Variants in ST6GALNAC3 observed in about 807,000 individuals in gnomAD.
ST6GALNAC3 encodes alpha-N-acetylgalactosaminide alpha-2,6-sialyltransferase 3.
Under a neutral mutation model 32.7 loss-of-function variants are expected in ST6GALNAC3, and 25 were observed. The ratio of observed to expected loss-of-function variants is 0.76; its 90% CI spans 0.56 to 1.07. The LOEUF is 1.07. ST6GALNAC3 is among the 50% of genes least tolerant of loss of function. ST6GALNAC3 has a pLI of 0.00. For synonymous variants in ST6GALNAC3, 129 were observed against 133.1 expected (o/e 0.97, Z 0.21); for missense variants, 355 against 382.4 (o/e 0.93, Z 0.60).
At chr1:76,142,857 C>T (rs769787592) in intron 1 of ST6GALNAC3, 18 of 453,546 alleles carry the variant, frequency 4.0e-5, no homozygotes, top group South Asian at 2.7e-4. Flanking sequence ...TCATCTGCTT[C>T]TGGATCACAT....
At chr1:76,472,758 TG>T (rs980822849) in intron 3 of ST6GALNAC3, among the ~76,000 whole-genome samples, 1 of 152,154 alleles carries the variant, frequency 6.6e-6, no homozygotes, top group Non-Finnish European at 1.5e-5. Flanking sequence ...CTGTTGTTTT[TG>T]GTGCACGTGC....
chr1:76,333,359 C>T (rs1037206711), intron 2 of ST6GALNAC3, among the ~76,000 whole-genome samples: 1 of 152,134 alleles, frequency 6.6e-6, no homozygotes, highest in African/African-American at 2.4e-5. Flanking sequence ...ATGGAATGTG[C>T]TATCTTTTCA....
intron 1 of ST6GALNAC3, among the ~76,000 whole-genome samples, chr1:76,302,848 A>C (rs1660806757): frequency 6.6e-6 from 1 of 152,040 alleles, no homozygotes; most frequent in African/African-American, 2.4e-5. Context: ...AAGCAAGGAA[A>C]GAATGAAGCA....
chr1:76,085,463 A>G (rs1646952201), intron 1 of ST6GALNAC3, among the ~76,000 whole-genome samples: 1 of 152,170 alleles, frequency 6.6e-6, no homozygotes, highest in African/African-American at 2.4e-5. Flanking sequence ...AGAGCTAAAT[A>G]CGGTACGTGG....
chr1:76,345,628 G>A (rs1247645906), intron 2 of ST6GALNAC3, among the ~76,000 whole-genome samples: 3 of 152,118 alleles, frequency 2.0e-5, no homozygotes. Context: ...CTTTGCATAT[G>A]TTTTCTCCTC....
At chr1:76,141,758 C>T (rs1485791484) in intron 1 of ST6GALNAC3, among the ~76,000 whole-genome samples, 3 of 152,154 alleles carry the variant, frequency 2.0e-5, no homozygotes, top group Non-Finnish European at 4.4e-5. Flanking sequence ...CTAGCATCTT[C>T]ATTATAATAG....
chr1:76,327,194 T>C (rs1051980317), intron 2 of ST6GALNAC3, among the ~76,000 whole-genome samples: 2 of 152,016 alleles, frequency 1.3e-5, no homozygotes, highest in African/African-American at 2.4e-5. Context: ...CACTGCCAAT[T>C]AATTTCTTTT....
chr1:76,454,860 G>A (rs547303027), intron 3 of ST6GALNAC3, among the ~76,000 whole-genome samples: 4 of 151,716 alleles, frequency 2.6e-5, no homozygotes, highest in African/African-American at 4.8e-5. Context: ...TGAATATGGA[G>A]TCTCTAATTC....
At chr1:76,208,624 G>A (rs1303617762) in intron 1 of ST6GALNAC3, among the ~76,000 whole-genome samples, 1 of 152,182 alleles carries the variant, frequency 6.6e-6, no homozygotes, top group Non-Finnish European at 1.5e-5. Flanking sequence ...TCAAAAGGTT[G>A]GAAGTGGCCC....
intron 1 of ST6GALNAC3, among the ~76,000 whole-genome samples, chr1:76,264,742 T>C (rs1195111669): frequency 6.6e-6 from 1 of 152,274 alleles, no homozygotes; most frequent in East Asian, 1.9e-4. Context: ...TTCATACTTA[T>C]TGAATTAATA....
chr1:76,122,096 G>T (rs1033931677), intron 1 of ST6GALNAC3, among the ~76,000 whole-genome samples: 4 of 152,128 alleles, frequency 2.6e-5, no homozygotes, highest in Non-Finnish European at 5.9e-5. Flanking sequence ...GACTGACCAT[G>T]TATTGTGTAT....
chr1:76,335,523 G>T (rs534960375), intron 2 of ST6GALNAC3, among the ~76,000 whole-genome samples: 3 of 152,224 alleles, frequency 2.0e-5, no homozygotes, highest in Admixed American at 6.5e-5. Context: ...AGCTTTGAGA[G>T]GGGGGAAGAA....
At chr1:76,122,447 G>GCT (rs201343612) in intron 1 of ST6GALNAC3, among the ~76,000 whole-genome samples, 3 of 152,012 alleles carry the variant, frequency 2.0e-5, no homozygotes, top group Non-Finnish European at 2.9e-5. Flanking sequence ...CAAGTGAACA[G>GCT]CTCTCTCTCT....
chr1:76,597,497 A>G lies in ST6GALNAC3; in HGVS notation c.624-29955A>G, dbSNP rs572652458. 2.0e-5 allele frequency among the ~76,000 whole-genome samples: 3 copies of G among 152,200 alleles called. No individual in the cohort carries two copies. In the East Asian group the frequency reaches 5.8e-4, roughly 29 times the overall value. On this transcript the variant is annotated intron_variant, in intron 3 of 4. Transcript: ENST00000328299. The stretch of plus-strand genomic sequence containing the variant: ...CCCAAGGTGATGTGAAAAATGTACC[A>G]AACCCTGTCCAGAATTTTGGAATCG...
intron 1 of ST6GALNAC3, among the ~76,000 whole-genome samples, chr1:76,277,294 A>G (rs1179888958): frequency 5.9e-5 from 9 of 151,892 alleles, no homozygotes; most frequent in Non-Finnish European, 1.2e-4. Flanking sequence ...ATATTTGGGC[A>G]ATGTGGTACT....
chr1:76,132,702 A>G (rs1649690414), intron 1 of ST6GALNAC3, among the ~76,000 whole-genome samples: 1 of 152,096 alleles, frequency 6.6e-6, no homozygotes, highest in Non-Finnish European at 1.5e-5. Context: ...CCTCCATCAG[A>G]TGATGGGACA....
intron 3 of ST6GALNAC3, among the ~76,000 whole-genome samples, chr1:76,461,500 G>C (rs1228580415): frequency 6.6e-6 from 1 of 152,268 alleles, no homozygotes; most frequent in African/African-American, 2.4e-5. Context: ...TTGGAAGAAT[G>C]GTGCTTCGTG....
intron 1 of ST6GALNAC3, among the ~76,000 whole-genome samples, chr1:76,188,410 T>C (rs12139215): frequency 0.14 from 20,892 of 152,212 alleles, 1,699 homozygotes; most frequent in Non-Finnish European, 0.19. Context: ...AAAATGATTA[T>C]TATAGTGTGT....
At chr1:76,298,881 C>T (rs1390489576) in intron 1 of ST6GALNAC3, among the ~76,000 whole-genome samples, 1 of 151,962 alleles carries the variant, frequency 6.6e-6, no homozygotes, top group South Asian at 2.1e-4. Context: ...GGAAATATTG[C>T]ATGTGTTTGC....
Sources: gnomAD v4.1 joint callset for allele counts (sites outside exome capture counted in the v4.1 genomes callset) on GRCh38, gnomAD v4.1.1 for gene constraint, MANE v1.5 for transcripts, NCBI Gene and HGNC (gene_info 2026-07-23, HGNC 2026-07-21) for gene names.